Variants in FBLN7 observed in about 807,000 individuals in gnomAD.
FBLN7 encodes fibulin-7.
In FBLN7, 31 loss-of-function variants were observed where a neutral mutation model predicts 44.0. The observed-to-expected ratio is 0.70, with a 90% CI of 0.53 to 0.95. The LOEUF (loss-of-function observed/expected upper bound fraction) is 0.95. Ranked by LOEUF, FBLN7 falls within the 40% of genes least tolerant of loss-of-function variation. The probability of loss-of-function intolerance (pLI) is 0.00; values close to 1 mark genes in which losing one functional copy is unlikely to be tolerated. For missense variants in FBLN7, 573 were observed against 618.5 expected (o/e 0.93, Z 0.78); for synonymous variants, 262 against 253.4 (o/e 1.03, Z -0.32).
chr2:112,165,439 G>T (rs925753927), intron 3 of FBLN7, among the ~76,000 whole-genome samples: 1 of 152,160 alleles, frequency 6.6e-6, no homozygotes, highest in African/African-American at 2.4e-5. Context: ...TCAAGAACTT[G>T]CCTAAGGTTA....
At chr2:112,141,334 A>G (rs557881992) in intron 1 of FBLN7, among the ~76,000 whole-genome samples, 2 of 152,342 alleles carry the variant, frequency 1.3e-5, no homozygotes, top group African/African-American at 4.8e-5. Context: ...TTGGGCTCCA[A>G]GATTTCTTCC....
In FBLN7 at chr2:112,175,796, T is replaced by A. The variant is rs781232884; in HGVS notation, c.489T>A (p.Pro163=). 1.4e-5 allele frequency: 22 copies of A among 1,614,044 alleles called. No homozygotes were observed. The highest frequency in any genetic ancestry group is 1.9e-5 in the Non-Finnish European group (22 of 1,180,024). ...TCAACCAGTACAGATGCATTTGTCC[T>A]CCAGGAAGGACTGGGAACCGCTGTC... ...EGVNQYRCIC[P]PGRTGNRCQH... The change falls in exon 4 of 8, where the codon CCT becomes CCA. Residue 163 remains proline (P), a synonymous_variant. Transcript: ENST00000331203.
intron 7 of FBLN7, 84 bp downstream of exon 7, chr2:112,185,423 A>G (rs1041422486): frequency 1.1e-5 from 17 of 1,527,616 alleles, no homozygotes; most frequent in Admixed American, 3.7e-5. Flanking sequence ...TCTTGGGAGA[A>G]GGTACAGTTA....
chr2:112,236,289 A>T, the FBLN7 span, among the ~76,000 whole-genome samples: 2 of 152,146 alleles, frequency 1.3e-5, no homozygotes, highest in African/African-American at 4.8e-5. Context: ...AAAAAAAATC[A>T]AGGAGCTTGT....
downstream of FBLN7, among the ~76,000 whole-genome samples, chr2:112,191,446 G>C (rs1051322090): frequency 3.9e-5 from 6 of 152,176 alleles, no homozygotes; most frequent in African/African-American, 1.4e-4. Context: ...AAAGTGCTGG[G>C]ATTACAGGCA....
At chr2:112,231,900 C>A in the FBLN7 span, 1 of 1,586,894 alleles carries the variant, frequency 6.3e-7, no homozygotes, top group Non-Finnish European at 8.6e-7. Flanking sequence ...CAGTATTCTC[C>A]CTGATAACAT....
At chr2:112,150,146 T>C (rs1681088533) in intron 1 of FBLN7, among the ~76,000 whole-genome samples, 1 of 152,166 alleles carries the variant, frequency 6.6e-6, no homozygotes, top group Admixed American at 6.5e-5. Flanking sequence ...ATTAGTTCCC[T>C]CTGGACCTTA....
chr2:112,229,856 T>C, the FBLN7 span, among the ~76,000 whole-genome samples: 2 of 151,082 alleles, frequency 1.3e-5, no homozygotes, highest in African/African-American at 2.4e-5. Context: ...TGACAGGGAA[T>C]AATTTCTTAA....
chr2:112,185,698 G>A (rs189668780), intron 7 of FBLN7, among the ~76,000 whole-genome samples: 37 of 152,236 alleles, frequency 2.4e-4, no homozygotes, highest in African/African-American at 8.7e-4. Context: ...CAGGAGACAG[G>A]TATAGATCAC....
the FBLN7 span, chr2:112,233,390 C>T: frequency 2.1e-6 from 3 of 1,457,726 alleles, no homozygotes; most frequent in Non-Finnish European, 2.8e-6. Flanking sequence ...AAAGAAGGAG[C>T]AAGGAAAAGC....
At chr2:112,184,756 T>C (rs909984514) in intron 6 of FBLN7, among the ~76,000 whole-genome samples, 3 of 96,516 alleles carry the variant, frequency 3.1e-5, no homozygotes, top group Non-Finnish European at 4.2e-5. Flanking sequence ...ACACACACCA[T>C]ATATACCATA....
chr2:112,164,015 CTG>C (rs1213481265), intron 2 of FBLN7, among the ~76,000 whole-genome samples: 1 of 152,180 alleles, frequency 6.6e-6, no homozygotes, highest in African/African-American at 2.4e-5. Flanking sequence ...GCCCTGACCA[CTG>C]TATTCAAAAT....
At chr2:112,138,991 C>T (rs1223904709) in intron 1 of FBLN7, among the ~76,000 whole-genome samples, 92 of 77,384 alleles carry the variant, frequency 1.2e-3, no homozygotes, top group East Asian at 4.1e-3. Context: ...TCCAGGCCAG[C>T]GTCCCTCCCG....
chr2:112,234,605 A>G, the FBLN7 span, among the ~76,000 whole-genome samples: 1 of 152,204 alleles, frequency 6.6e-6, no homozygotes, highest in Non-Finnish European at 1.5e-5. Context: ...GTTCAAGACC[A>G]GCCTGGCCAA....
the FBLN7 span, among the ~76,000 whole-genome samples, chr2:112,197,277 AG>A: frequency 7.1e-4 from 59 of 83,244 alleles, no homozygotes; most frequent in African/African-American, 2.9e-3. Context: ...ACACACACAG[AG>A]AGAGAGAGAG....
the FBLN7 span, among the ~76,000 whole-genome samples, chr2:112,239,579 CTTTTTTTTTTTTTT>C: frequency 4.6e-5 from 4 of 86,488 alleles, no homozygotes; most frequent in Non-Finnish European, 8.7e-5. Context: ...TAACAGTTTA[CTTTTTTTTTTTTTT>C]TTTTTTTTTT....
intron 4 of FBLN7, among the ~76,000 whole-genome samples, chr2:112,180,536 T>G (rs1283220024): frequency 2.0e-5 from 3 of 152,130 alleles, no homozygotes; most frequent in African/African-American, 7.2e-5. Flanking sequence ...TAAAGACACA[T>G]GCACTCGAAT....
chr2:112,238,263 T>G, the FBLN7 span: 7 of 1,563,602 alleles, frequency 4.5e-6, no homozygotes, highest in East Asian at 1.6e-4. Flanking sequence ...TATGGACAAC[T>G]GTGACTGCTT....
the FBLN7 span, among the ~76,000 whole-genome samples, chr2:112,208,516 T>G: frequency 6.6e-6 from 1 of 152,198 alleles, no homozygotes; most frequent in Non-Finnish European, 1.5e-5. Flanking sequence ...TATGTCTGGA[T>G]TTAGGTCTAT....
Sources: gnomAD v4.1 joint callset for allele counts (sites outside exome capture counted in the v4.1 genomes callset) on GRCh38, gnomAD v4.1.1 for gene constraint, MANE v1.5 for transcripts, NCBI Gene and HGNC (gene_info 2026-07-23, HGNC 2026-07-21) for gene names.